The following ADD1 variants were observed in gnomAD, a reference collection of about 807,000 sequenced individuals.
ADD1 encodes adducin 1, also known as alpha-adducin.
ADD1 carries 24 observed loss-of-function variants against 80.5 expected under a neutral mutation model. The observed-to-expected ratio is 0.30, with a 90% CI of 0.22 to 0.42. The LOEUF is 0.42. ADD1 is among the 10% of genes least tolerant of loss of function. ADD1 has a pLI of 1.00. For synonymous variants in ADD1, 373 were observed against 393.8 expected (o/e 0.95, Z 0.63); for missense variants, 948 against 1,019.0 (o/e 0.93, Z 0.95).
chr4:2,871,020 G>A (rs1489966083), intron 1 of ADD1, among the ~76,000 whole-genome samples: 1 of 150,508 alleles, frequency 6.6e-6, no homozygotes, highest in South Asian at 2.1e-4. Context: ...CCAGGTTGGA[G>A]TGCAGTGGCA....
rs1306472233 is a variant in ADD1, at chr4:2,894,172, T to G, written c.591+79T>G. 2.5e-6 allele frequency: 3 copies of G among 1,180,936 alleles called. No individual in the cohort carries two copies. In the East Asian group the frequency reaches 7.1e-5, roughly 28 times the overall value. The allele number at this position is 1,180,936 out of a possible 1,614,324, so 73.2% of individuals were successfully genotyped here. ...TCAACATCTTCAGATCAGCTAAATA[T>G]GTAAAACCCAAGAAACAAGAAAGAG... On this transcript the variant is annotated intron_variant, in intron 5 of 15. Coordinates refer to ENST00000683351, the MANE Select transcript of ADD1 (RefSeq NM_001354761.2).
intron 2 of ADD1, among the ~76,000 whole-genome samples, chr4:2,876,874 T>C (rs1283755277): frequency 1.3e-5 from 2 of 150,400 alleles, no homozygotes; most frequent in African/African-American, 4.9e-5. Flanking sequence ...TAGTGGCGCA[T>C]GCCTGTAATC....
chr4:2,846,189 A>G (rs535867668), intron 1 of ADD1, among the ~76,000 whole-genome samples: 22 of 152,198 alleles, frequency 1.4e-4, no homozygotes, highest in Non-Finnish European at 2.5e-4. Context: ...TCCACATGCT[A>G]TCTATACAGT....
intron 9 of ADD1, chr4:2,901,918 C>CTCTTCCTTTTTT (rs1560218323): frequency 6.8e-6 from 1 of 146,886 alleles, no homozygotes; most frequent in East Asian, 2.0e-4. Flanking sequence ...TATATATTTT[C>CTCTTCCTTTTTT]TCTTTCTTTT....
intron 1 of ADD1, among the ~76,000 whole-genome samples, chr4:2,846,575 A>T (rs1362338580): frequency 2.6e-5 from 4 of 152,180 alleles, no homozygotes; most frequent in African/African-American, 9.7e-5. Context: ...CTATTTGGTT[A>T]TCTTGAGGTA....
chr4:2,899,318 G>T lies in ADD1; in HGVS notation c.1044G>T (p.Lys348Asn), dbSNP rs1181310319. 6.2e-7 allele frequency: 1 copy of T among 1,614,222 alleles called. No individual in the cohort carries two copies. Among genetic ancestry groups the T allele is most frequent in the Admixed American group, 1.7e-5 (1 of 60,028 alleles). The stretch of plus-strand genomic sequence containing the variant: ...ACTTAGTCCTGCTGAATCCTGAGAA[G>T]TACAAAGCCAAGTCCCGTTCCCCAG... ...PDNLVLLNPE[K>N]YKAKSRSPGS... The change falls in exon 9 of 16, where the codon AAG becomes AAT. Residue 348 changes from lysine to asparagine, a missense_variant. Transcript: ENST00000683351.
chr4:2,919,482 G>T (rs750609165), intron 14 of ADD1, among the ~76,000 whole-genome samples: 9 of 152,044 alleles, frequency 5.9e-5, no homozygotes, highest in Admixed American at 1.3e-4. Flanking sequence ...TTTTTTGGTT[G>T]GTAGGCTATT....
chr4:2,925,430 G>T (rs941931396), intron 14 of ADD1, among the ~76,000 whole-genome samples: 2 of 152,210 alleles, frequency 1.3e-5, no homozygotes, highest in African/African-American at 4.8e-5. Context: ...TATTTTCCCC[G>T]AAATGAGAAG....
intron 1 of ADD1, among the ~76,000 whole-genome samples, chr4:2,862,744 G>T (rs1175571764): frequency 6.6e-6 from 1 of 152,184 alleles, no homozygotes; most frequent in African/African-American, 2.4e-5. Flanking sequence ...CTAACAGACT[G>T]TGTGATTTAC....
intron 4 of ADD1, among the ~76,000 whole-genome samples, chr4:2,892,789 C>T (rs887833415): frequency 1.3e-5 from 2 of 150,816 alleles, no homozygotes; most frequent in African/African-American, 4.9e-5. Flanking sequence ...AGCATGATTG[C>T]GCCACTGCAT....
chr4:2,918,767 A>C (rs919066682), intron 14 of ADD1, among the ~76,000 whole-genome samples: 1 of 151,778 alleles, frequency 6.6e-6, no homozygotes, highest in Non-Finnish European at 1.5e-5. Context: ...GTCTATTGAG[A>C]TAATCATGTG....
At chr4:2,928,038 A>G (rs1712183011) in intron 15 of ADD1, 133 bp from the exon 16 acceptor site, 1 of 786,094 alleles carries the variant, frequency 1.3e-6, no homozygotes, top group Admixed American at 2.3e-5. Flanking sequence ...ACCATATTTT[A>G]AGTTTCTTGT....
intron 4 of ADD1, among the ~76,000 whole-genome samples, chr4:2,890,189 G>A (rs10026416): frequency 0.041 from 5,943 of 143,520 alleles, 205 homozygotes; most frequent in African/African-American, 0.098. Flanking sequence ...GTGAGACTCC[G>A]TCTCAAAAAA....
At chr4:2,909,242 C>A in intron 12 of ADD1, 97 bp from the exon 13 acceptor site, 2 of 1,016,924 alleles carry the variant, frequency 2.0e-6, no homozygotes, top group South Asian at 1.4e-5. Context: ...GACAGCTGTC[C>A]CTGCTGCATG....
At chr4:2,894,194 A>C in intron 5 of ADD1, 101 bp downstream of exon 5, 3 of 970,514 alleles carry the variant, frequency 3.1e-6, no homozygotes, top group Non-Finnish European at 4.9e-6. Flanking sequence ...GAAACAAGAA[A>C]GAGCCTATGT....
intron 1 of ADD1, among the ~76,000 whole-genome samples, chr4:2,872,480 T>G (rs1451707180): frequency 2.0e-5 from 3 of 152,262 alleles, no homozygotes; most frequent in African/African-American, 7.2e-5. Context: ...CTTAATATGT[T>G]TTATACTCTT....
chr4:2,898,680 G>A, intron 8 of ADD1, 149 bp downstream of exon 8: 1 of 685,982 alleles, frequency 1.5e-6, no homozygotes. Context: ...GACTTGATCA[G>A]GACAAATGCT....
chr4:2,903,165 C>T (rs1479122515), intron 9 of ADD1, among the ~76,000 whole-genome samples: 1 of 152,180 alleles, frequency 6.6e-6, no homozygotes, highest in Non-Finnish European at 1.5e-5. Context: ...GTACCACAGC[C>T]AGCAGGGCAC....
At chr4:2,885,903 C>CGT in intron 4 of ADD1, among the ~76,000 whole-genome samples, 1 of 152,136 alleles carries the variant, frequency 6.6e-6, no homozygotes, top group South Asian at 2.1e-4. Context: ...AGCCACCCTG[C>CGT]CCGGCCCCTT....
Sources: allele counts gnomAD v4.1 joint callset (sites outside exome capture counted in the v4.1 genomes callset), GRCh38; gene constraint gnomAD v4.1.1; transcripts MANE v1.5; gene names NCBI Gene and HGNC (gene_info 2026-07-23, HGNC 2026-07-21).